Variants in OOSP3 observed in about 807,000 individuals in gnomAD.
The protein encoded by OOSP3 is oocyte-secreted protein 3.
chr11:59,893,758 A>G (rs1853332311), intron 2 of OOSP3, among the ~76,000 whole-genome samples: 1 of 152,176 alleles, frequency 6.6e-6, no homozygotes. Context: ...GCACTGTGAT[A>G]ATGTTTAAGA....
At chr11:59,880,890 AG>A (rs1853194211) in intron 2 of OOSP3, among the ~76,000 whole-genome samples, 1 of 152,220 alleles carries the variant, frequency 6.6e-6, no homozygotes, top group Non-Finnish European at 1.5e-5. Context: ...GGATGATACC[AG>A]AGGTAGAATT....
At position 59,881,347 on chromosome 11, in the gene OOSP3, A is replaced by G. The variant is rs566094198; in HGVS notation, c.252+908A>G. On this transcript the variant is annotated intron_variant, in intron 2 of 4. Transcript: ENST00000646438. The stretch of plus-strand genomic sequence containing the variant: ...GCCACTGCACCCCAGCCTGGGTGAC[A>G]GAGCGAGACTATCTCAAAAAAAAAA... 4.7e-4 allele frequency among the ~76,000 whole-genome samples: 72 copies of G among 151,738 alleles called. No individual in the cohort carries two copies. The South Asian group carries it at 0.014, about 29-fold the overall frequency.
chr11:59,881,139 T>C (rs1853196762), intron 2 of OOSP3, among the ~76,000 whole-genome samples: 1 of 151,896 alleles, frequency 6.6e-6, no homozygotes, highest in Non-Finnish European at 1.5e-5. Context: ...GGCGGACACG[T>C]CATGAGGTCA....
chr11:59,887,397 C>T (rs1853272646), intron 2 of OOSP3, among the ~76,000 whole-genome samples: 1 of 152,098 alleles, frequency 6.6e-6, no homozygotes. Flanking sequence ...ATGGTATTGC[C>T]TAGATTTTCT....
At chr11:59,894,328 C>A (rs909899642) in intron 3 of OOSP3, among the ~76,000 whole-genome samples, 152 bp downstream of exon 3, 2 of 152,192 alleles carry the variant, frequency 1.3e-5, no homozygotes, top group Admixed American at 6.5e-5. Flanking sequence ...TTTATCAATG[C>A]CATTTGGCCA....
chr11:59,887,554 A>G (rs1228096393), intron 2 of OOSP3, among the ~76,000 whole-genome samples: 1 of 152,164 alleles, frequency 6.6e-6, no homozygotes, highest in Non-Finnish European at 1.5e-5. Flanking sequence ...TAAATAGGAA[A>G]TCCTTTCCCC....
intron 2 of OOSP3, among the ~76,000 whole-genome samples, chr11:59,881,351 C>G (rs545822505): frequency 1.4e-4 from 20 of 146,712 alleles, no homozygotes; most frequent in African/African-American, 5.1e-4. Flanking sequence ...GGTGACAGAG[C>G]GAGACTATCT....
intron 2 of OOSP3, among the ~76,000 whole-genome samples, chr11:59,892,906 A>G (rs1853325868): frequency 6.6e-6 from 1 of 152,176 alleles, no homozygotes; most frequent in Non-Finnish European, 1.5e-5. Context: ...ATGCTCCTTG[A>G]ATTGTTGCAA....
At position 59,884,467 on chromosome 11, in the gene OOSP3, GTCTGTCTGTC is replaced by G. The variant is rs1484371279; in HGVS notation, c.252+4032_252+4041del. 4.8e-3 allele frequency among the ~76,000 whole-genome samples: 586 copies of G among 121,898 alleles called. 6 individuals carry two copies. The highest frequency in any genetic ancestry group is 0.018 in the African/African-American group (550 of 30,102). 80.0% of individuals were successfully genotyped at this position (121,898 alleles called of 152,430 possible). A position where few individuals can be genotyped will look rare whatever the true frequency, so the allele number is the denominator to read the frequency against. ...TGTCTGTTTGTCTGTCTGTCTGTCT[GTCTGTCTGTC>G]TCTCTCTCTCTCTCTCTCTCTCTCT... On this transcript the variant is annotated intron_variant, in intron 2 of 4. Transcript: ENST00000646438.
At chr11:59,892,285 C>T (rs1397002234) in intron 2 of OOSP3, among the ~76,000 whole-genome samples, 3 of 152,160 alleles carry the variant, frequency 2.0e-5, no homozygotes, top group South Asian at 2.1e-4. Flanking sequence ...GGCCCTTTTC[C>T]TTGTGCAGCT....
intron 2 of OOSP3, among the ~76,000 whole-genome samples, chr11:59,892,170 T>C (rs1271882363): frequency 6.6e-6 from 1 of 152,198 alleles, no homozygotes; most frequent in Non-Finnish European, 1.5e-5. Flanking sequence ...TGTGGGCTCA[T>C]GAAGTAATCT....
At chr11:59,884,479 C>CTG (rs1565218927) in intron 2 of OOSP3, among the ~76,000 whole-genome samples, 23 of 4,012 alleles carry the variant, frequency 5.7e-3, no homozygotes, top group African/African-American at 0.013. Flanking sequence ...CTGTCTGTCT[C>CTG]TCTCTCTCTC....
At chr11:59,893,799 TA>T (rs1363031367) in intron 2 of OOSP3, among the ~76,000 whole-genome samples, 1 of 152,240 alleles carries the variant, frequency 6.6e-6, no homozygotes, top group Non-Finnish European at 1.5e-5. Flanking sequence ...ACTTGTTAAG[TA>T]GAAGCTGTAG....
chr11:59,882,326 C>A (rs1853210531), intron 2 of OOSP3, among the ~76,000 whole-genome samples: 1 of 151,962 alleles, frequency 6.6e-6, no homozygotes, highest in Admixed American at 6.6e-5. Context: ...TCTTATAAGA[C>A]CCCTTCGAAA....
chr11:59,879,850 G>A (rs897439996), intron 1 of OOSP3, among the ~76,000 whole-genome samples: 6 of 151,988 alleles, frequency 3.9e-5, no homozygotes, highest in South Asian at 2.1e-4. Flanking sequence ...TGCCAGGGAT[G>A]AGAGTCAGAG....
chr11:59,884,430 T>C (rs1030471928), intron 2 of OOSP3, among the ~76,000 whole-genome samples: 2 of 151,996 alleles, frequency 1.3e-5, no homozygotes, highest in African/African-American at 4.8e-5. Flanking sequence ...TGATTTTCTA[T>C]ATACAAGATC....
intron 2 of OOSP3, among the ~76,000 whole-genome samples, chr11:59,885,940 T>G (rs1423740873): frequency 1.3e-5 from 2 of 152,210 alleles, no homozygotes; most frequent in Non-Finnish European, 2.9e-5. Context: ...TGTGCAGATT[T>G]GTTACATAGG....
chr11:59,884,592 C>G lies in OOSP3; in HGVS notation c.252+4153C>G, dbSNP rs371664272. ...TCAGCTCACTGCAACCTCCACCTCCCAGGTTCAAGCAATTCTGCTGCCTCA... is the reference window on the plus strand; with the variant it reads ...TCAGCTCACTGCAACCTCCACCTCCGAGGTTCAAGCAATTCTGCTGCCTCA... On this transcript the variant is annotated intron_variant, in intron 2 of 4. Transcript: ENST00000646438. Among the ~76,000 whole-genome samples, 72 of 152,012 alleles carry G rather than the reference C, an allele frequency of 4.7e-4. No homozygotes were observed. The South Asian group carries it at 0.014, about 29-fold the overall frequency.
At chr11:59,880,186 A>C (rs1853186825) in intron 1 of OOSP3, 75 bp from the exon 2 acceptor site, 2 of 397,284 alleles carry the variant, frequency 5.0e-6, no homozygotes, top group East Asian at 7.1e-5. Context: ...TAAATATGCT[A>C]TGTTCAGACT....
Sources: gnomAD v4.1 joint callset for allele counts (sites outside exome capture counted in the v4.1 genomes callset) on GRCh38, gnomAD v4.1.1 for gene constraint, MANE v1.5 for transcripts, NCBI Gene and HGNC (gene_info 2026-07-23, HGNC 2026-07-21) for gene names.